Variants in ARFGAP1 observed in about 807,000 individuals in gnomAD.
The protein encoded by ARFGAP1 is ARF GTPase activating protein 1.
A neutral mutation model predicts 54.0 loss-of-function variants in ARFGAP1; 26 were observed. That is an observed-to-expected ratio of 0.48 (90% CI 0.35 to 0.67). The LOEUF is 0.67. ARFGAP1 is among the 30% of genes least tolerant of loss of function. The pLI, the probability that ARFGAP1 is intolerant of heterozygous loss-of-function variation, is 0.00. For missense variants in ARFGAP1, 525 were observed against 535.8 expected (o/e 0.98, Z 0.20); for synonymous variants, 248 against 211.9 (o/e 1.17, Z -1.48).
At chr20:63,286,033 G>T (rs2123312773) in intron 11 of ARFGAP1, 1 of 1,547,392 alleles carries the variant, frequency 6.5e-7, no homozygotes, top group Non-Finnish European at 8.7e-7. Flanking sequence ...GCCATTTGGG[G>T]CGTGCATTTT....
At chr20:63,286,669 G>C (rs1483132805) in intron 12 of ARFGAP1, 1 of 565,248 alleles carries the variant, frequency 1.8e-6, no homozygotes, top group Non-Finnish European at 3.2e-6. Context: ...GGCTTTCCGA[G>C]TGCTCTGCAG....
chr20:63,277,172 T>C, intron 4 of ARFGAP1, 33 bp from the exon 5 acceptor site: 2 of 1,593,644 alleles, frequency 1.3e-6, no homozygotes, highest in Non-Finnish European at 1.7e-6. Flanking sequence ...CAGGCGCCTT[T>C]ATGCTCTCGA....
intron 10 of ARFGAP1, among the ~76,000 whole-genome samples, chr20:63,285,153 C>T (rs1458509825): frequency 6.6e-6 from 1 of 152,086 alleles, no homozygotes; most frequent in Non-Finnish European, 1.5e-5. Flanking sequence ...CCCAGCCCAG[C>T]ACCCCCAGCC....
intron 10 of ARFGAP1, among the ~76,000 whole-genome samples, 165 bp downstream of exon 10, chr20:63,285,087 C>T (rs1182473118): frequency 6.6e-6 from 1 of 152,116 alleles, no homozygotes; most frequent in Non-Finnish European, 1.5e-5. Context: ...GCCTGGGCTC[C>T]TCTTGGACCC....
At chr20:63,284,010 C>T in intron 9 of ARFGAP1, 2 of 1,503,432 alleles carry the variant, frequency 1.3e-6, no homozygotes, top group Admixed American at 4.0e-5. Context: ...GACCCTCTCC[C>T]TGGCCTCGGT....
intron 9 of ARFGAP1, chr20:63,283,793 A>G: frequency 6.2e-7 from 1 of 1,602,418 alleles, no homozygotes; most frequent in Non-Finnish European, 8.5e-7. Context: ...GCTGCTGGTT[A>G]CTAATGCCGC....
intron 1 of ARFGAP1, among the ~76,000 whole-genome samples, chr20:63,274,367 A>AAATGAAAT (rs1314825035): frequency 8.0e-6 from 1 of 125,106 alleles, no homozygotes; most frequent in African/African-American, 3.0e-5. Context: ...TTAAGATTAG[A>AAATGAAAT]AATGAAATAT....
chr20:63,286,354 G>A lies in ARFGAP1; in HGVS notation c.835-12G>A, dbSNP rs371831969. 67 of 1,613,020 alleles carry A rather than the reference G, an allele frequency of 4.2e-5. No homozygotes were observed. The highest frequency in any genetic ancestry group is 2.5e-4 in the Admixed American group (15 of 60,000). On this transcript the variant is annotated splice_polypyrimidine_tract_variant and intron_variant, in intron 11 of 12. Transcript: ENST00000370283. ...CAGGGCCTGCCTAACCTCTCTTCCCGTCTCCTTCCAGGTCCAGGGAGTCGG... is the reference window on the plus strand; with the variant it reads ...CAGGGCCTGCCTAACCTCTCTTCCCATCTCCTTCCAGGTCCAGGGAGTCGG...
chr20:63,286,626 C>T (rs945055912), intron 12 of ARFGAP1, among the ~76,000 whole-genome samples, 184 bp downstream of exon 12: 1 of 151,898 alleles, frequency 6.6e-6, no homozygotes, highest in East Asian at 1.9e-4. Context: ...CGGGAGGTGG[C>T]TGGCATCTTT....
At chr20:63,280,461 A>G (rs1261651606) in intron 7 of ARFGAP1, among the ~76,000 whole-genome samples, 1 of 152,178 alleles carries the variant, frequency 6.6e-6, no homozygotes, top group East Asian at 1.9e-4. Context: ...CCTGGCCAGA[A>G]AGGGCTTTTT....
rs560162620 is a variant in ARFGAP1, at chr20:63,277,096, G to A, written c.343-109G>A. On this transcript the variant is annotated intron_variant, in intron 4 of 12. Transcript: ENST00000370283. ...GTCGAGGGGGCCGGGAGGAGGCTGC[G>A]GGTGGTGGGTGCTCCAGGCGGGCCG... 4.3e-5 allele frequency: 37 copies of A among 869,854 alleles called. No individual in the cohort carries two copies. In the African/African-American group the frequency reaches 4.4e-4, roughly 10 times the overall value. 53.9% of individuals were successfully genotyped at this position (869,854 alleles called of 1,614,324 possible).
Position 63,288,902 on chromosome 20 carries a change from G to C in ARFGAP1, c.*1029G>C. ...GAAGCTCGTGCAGTTTGTACGTGAG[G>C]TGCTCTCCTCCCTGCCACCATGCTC... On this transcript the variant is annotated 3_prime_UTR_variant, in exon 13 of 13. Coordinates refer to ENST00000370283, the MANE Select transcript of ARFGAP1 (RefSeq NM_018209.4). The C allele has an allele frequency of 7.9e-6, 2 of 252,128 alleles. No homozygotes were observed. Among genetic ancestry groups the C allele is most frequent in the Non-Finnish European group, 1.6e-5 (2 of 124,414 alleles). 15.6% of individuals were successfully genotyped at this position (252,128 alleles called of 1,614,324 possible).
intron 9 of ARFGAP1, 48 bp from the exon 10 acceptor site, chr20:63,284,818 T>C (rs750495509): frequency 1.2e-6 from 2 of 1,608,362 alleles, no homozygotes; most frequent in Non-Finnish European, 8.5e-7. Context: ...CCGACCCGTG[T>C]CCCGTGGTGG....
chr20:63,283,974 T>C (rs2067455655), intron 9 of ARFGAP1: 1 of 1,577,048 alleles, frequency 6.3e-7, no homozygotes, highest in Admixed American at 1.7e-5. Flanking sequence ...CACTGTCTTG[T>C]GTCACCTCAC....
In ARFGAP1 at chr20:63,276,883, G is replaced by A. The variant is rs2067249686; in HGVS notation, c.342+232G>A. 3 of 571,902 alleles carry A rather than the reference G, an allele frequency of 5.2e-6. No homozygotes were observed. Among genetic ancestry groups the A allele is most frequent in the South Asian group, 4.9e-5 (2 of 41,070 alleles). The allele number at this position is 571,902 out of a possible 1,614,324, so 35.4% of individuals were successfully genotyped here. On this transcript the variant is annotated intron_variant, in intron 4 of 12. Coordinates refer to ENST00000370283, the MANE Select transcript of ARFGAP1 (RefSeq NM_018209.4). This position sits in a 1 kb window ranked among gnomAD's most constrained non-coding sequence, Gnocchi z 5.2. ...CCCGCCTCCAGGGGAGAAAGCAGCT[G>A]TGACCGTTTATTGCCTCTGTGACAT...
chr20:63,287,854 G>T lies in ARFGAP1; in HGVS notation c.1202G>T (p.Trp401Leu). The change falls in exon 13 of 13, where the codon TGG becomes TTG. Residue 401 changes from tryptophan (W) to leucine (L), a missense_variant. Transcript: ENST00000370283. ...VPPAVPTDDG[W>L]DNQNW is the part of the protein sequence containing the mutation. The stretch of plus-strand genomic sequence containing the variant: ...CCGGCCGTGCCCACTGATGATGGCT[G>T]GGACAACCAGAACTGGTAGGGCCCA... The T allele has an allele frequency of 6.4e-7, 1 of 1,554,378 alleles. No individual in the cohort carries two copies. The highest frequency in any genetic ancestry group is 8.7e-7 in the Non-Finnish European group (1 of 1,149,352).
chr20:63,274,311 A>G (rs1374488864), intron 1 of ARFGAP1: 27 of 4,954 alleles, frequency 5.5e-3, no homozygotes, highest in African/African-American at 9.9e-3. Flanking sequence ...TGGAGTTGGG[A>G]CCCCCCCCCC....
At chr20:63,284,602 G>A in intron 9 of ARFGAP1, 1 of 1,332,804 alleles carries the variant, frequency 7.5e-7, no homozygotes, top group Non-Finnish European at 9.7e-7. Flanking sequence ...AGGGCCGCAT[G>A]GTGGCGCGTG....
rs774162760 is a variant in ARFGAP1, at chr20:63,276,636, C to A, written c.327C>A (p.Ala109=). The A allele has an allele frequency of 6.2e-7, 1 of 1,610,804 alleles. No homozygotes were observed. The highest frequency in any genetic ancestry group is 1.1e-5 in the South Asian group (1 of 90,706). Residue 109 remains alanine, a synonymous_variant, in exon 4 of 13, where the codon GCC becomes GCA. Transcript: ENST00000370283. The surrounding 1 kb of genome is among the most constrained non-coding windows in gnomAD (Gnocchi z 5.2). ...AGAAGTACAACAGCAGAGCCGCGGCCCTCTTTAGGGATAAGGTAGAGATGG... is the reference window on the plus strand; with the variant it reads ...AGAAGTACAACAGCAGAGCCGCGGCACTCTTTAGGGATAAGGTAGAGATGG... ...LQEKYNSRAA[A]LFRDKVVALA... is the part of the protein sequence containing the mutation.
Sources: gnomAD v4.1 joint callset for allele counts (sites outside exome capture counted in the v4.1 genomes callset) on GRCh38, gnomAD v4.1.1 for gene constraint, Gnocchi (gnomAD v3.1) non-coding constraint, MANE v1.5 for transcripts, NCBI Gene and HGNC (gene_info 2026-07-23, HGNC 2026-07-21) for gene names.